Variants in CNGB3 observed in about 807,000 individuals in gnomAD.
CNGB3 encodes cyclic nucleotide gated channel subunit beta 3, also known as cyclic nucleotide-gated channel beta-3.
Under a neutral mutation model 92.8 loss-of-function variants are expected in CNGB3, and 86 were observed. The observed-to-expected ratio is 0.93, with a 90% CI of 0.78 to 1.11. CNGB3 has a LOEUF of 1.11. Ranked by LOEUF, CNGB3 falls within the 50% of genes least tolerant of loss-of-function variation. The pLI, the probability that CNGB3 is intolerant of heterozygous loss-of-function variation, is 0.00. For missense variants in CNGB3, 1,026 were observed against 956.8 expected, an observed-to-expected ratio of 1.07 and a Z score of -0.95; for synonymous variants, 333 against 332.7, an observed-to-expected ratio of 1.00 and a Z score of -0.01.
chr8:86,687,828 G>A (rs924758511), intron 3 of CNGB3, among the ~76,000 whole-genome samples: 3 of 151,940 alleles, frequency 2.0e-5, no homozygotes, highest in African/African-American at 7.3e-5. Context: ...GTACAGTATA[G>A]GACAACCTTG....
intron 13 of CNGB3, among the ~76,000 whole-genome samples, chr8:86,625,745 G>A (rs572480300): frequency 5.8e-4 from 88 of 152,120 alleles, no homozygotes; most frequent in African/African-American, 1.8e-3. Context: ...TGCAAGAAGA[G>A]TCTGAAGAAC....
At chr8:86,720,828 A>G (rs1476003637) in intron 3 of CNGB3, among the ~76,000 whole-genome samples, 1 of 123,038 alleles carries the variant, frequency 8.1e-6, no homozygotes, top group African/African-American at 3.1e-5. Context: ...ATATATATAT[A>G]TATATATGTA....
chr8:86,684,475 C>A (rs1419861460), intron 3 of CNGB3, among the ~76,000 whole-genome samples: 1 of 151,916 alleles, frequency 6.6e-6, no homozygotes, highest in Non-Finnish European at 1.5e-5. Flanking sequence ...ATCATATGAC[C>A]CCTATAATTG....
chr8:86,586,645 G>A (rs1821900514), intron 15 of CNGB3, among the ~76,000 whole-genome samples: 1 of 151,316 alleles, frequency 6.6e-6, no homozygotes, highest in Non-Finnish European at 1.5e-5. Context: ...TTTCATCCAT[G>A]TCCCTACAAA....
chr8:86,645,678 A>G (rs1001390478), intron 8 of CNGB3, among the ~76,000 whole-genome samples: 2 of 151,308 alleles, frequency 1.3e-5, no homozygotes, highest in African/African-American at 4.8e-5. Flanking sequence ...ATTTAACTAG[A>G]AATATACACA....
At chr8:86,666,865 T>G in intron 6 of CNGB3, 60 bp downstream of exon 6, 1 of 1,346,616 alleles carries the variant, frequency 7.4e-7, no homozygotes, top group Non-Finnish European at 1.1e-6. Context: ...CTGTTACTTT[T>G]TGTAGCCCAA....
intron 15 of CNGB3, among the ~76,000 whole-genome samples, chr8:86,592,350 C>T (rs1380104787): frequency 1.3e-5 from 2 of 152,356 alleles, no homozygotes; most frequent in East Asian, 3.9e-4. Context: ...CCTATTCGGC[C>T]ATCTTGGCTC....
intron 12 of CNGB3, among the ~76,000 whole-genome samples, chr8:86,627,856 T>C (rs552269558): frequency 8.5e-4 from 129 of 152,304 alleles, no homozygotes; most frequent in African/African-American, 2.9e-3. Context: ...GGTCCACTTA[T>C]ACAAGAATTT....
In CNGB3 at chr8:86,735,042, G is replaced by GTTT. The variant is rs60107723; in HGVS notation, c.211+4610_211+4612dup. ...CATGTCAAATTCTCAAATGCCGGTGGTTTTTTTTTTTTTTTTTTTTTTTTT... is the reference window on the plus strand; with the variant it reads ...CATGTCAAATTCTCAAATGCCGGTGGTTTTTTTTTTTTTTTTTTTTTTTTTTTT... On this transcript the variant is annotated intron_variant, in intron 2 of 17. Transcript: ENST00000320005. 3.1e-3 allele frequency among the ~76,000 whole-genome samples: 266 copies of GTTT among 85,822 alleles called. 8 individuals carry two copies. Among genetic ancestry groups the GTTT allele is most frequent in the Middle Eastern group, 0.011 (1 of 92 alleles). The allele number at this position is 85,822 out of a possible 152,430, so 56.3% of individuals were successfully genotyped here.
intron 15 of CNGB3, among the ~76,000 whole-genome samples, chr8:86,594,931 C>T (rs1822136939): frequency 6.6e-6 from 1 of 152,020 alleles, no homozygotes; most frequent in East Asian, 1.9e-4. Flanking sequence ...ACCATGTTGG[C>T]CAGGATGGTC....
intron 13 of CNGB3, 132 bp downstream of exon 13, chr8:86,625,851 C>T: frequency 2.7e-6 from 2 of 746,622 alleles, no homozygotes; most frequent in South Asian, 1.6e-5. Flanking sequence ...TCTTTAATTC[C>T]ACATAATTTC....
At chr8:86,674,610 A>G (rs550562388) in intron 3 of CNGB3, among the ~76,000 whole-genome samples, 5 of 152,334 alleles carry the variant, frequency 3.3e-5, no homozygotes, top group African/African-American at 1.2e-4. Context: ...GAAAGAACCA[A>G]TGGTTTTGCC....
At chr8:86,680,992 G>A (rs937002791) in intron 3 of CNGB3, among the ~76,000 whole-genome samples, 5 of 152,094 alleles carry the variant, frequency 3.3e-5, no homozygotes, top group East Asian at 1.9e-4. Flanking sequence ...CGGCTCCTAC[G>A]CTTTGCTCTG....
At chr8:86,608,937 C>A (rs1358093273) in intron 14 of CNGB3, among the ~76,000 whole-genome samples, 4 of 152,180 alleles carry the variant, frequency 2.6e-5, no homozygotes, top group African/African-American at 9.7e-5. Flanking sequence ...CCGGGCCCAG[C>A]TGTCTTTTCT....
At chr8:86,668,621 G>GA (rs1297686657) in intron 4 of CNGB3, among the ~76,000 whole-genome samples, 1 of 132,352 alleles carries the variant, frequency 7.6e-6, no homozygotes, top group Non-Finnish European at 1.7e-5. Flanking sequence ...TTTGTATAAA[G>GA]AAAAAATACG....
intron 3 of CNGB3, among the ~76,000 whole-genome samples, chr8:86,687,066 A>G (rs1824200890): frequency 1.3e-5 from 2 of 152,038 alleles, no homozygotes; most frequent in Non-Finnish European, 2.9e-5. Context: ...GTGTTTTAAA[A>G]CCTACCATCC....
intron 15 of CNGB3, among the ~76,000 whole-genome samples, chr8:86,590,283 C>G (rs1207719939): frequency 1.3e-5 from 2 of 151,960 alleles, no homozygotes; most frequent in African/African-American, 4.8e-5. Flanking sequence ...TGGGTCTTGA[C>G]TCTTTATCCA....
intron 1 of CNGB3, 91 bp from the exon 2 acceptor site, chr8:86,739,827 C>A: frequency 7.2e-7 from 1 of 1,381,912 alleles, no homozygotes; most frequent in South Asian, 1.2e-5. Flanking sequence ...ACTTAATTGT[C>A]AATCAGATCA....
chr8:86,699,532 G>A (rs768497976), intron 3 of CNGB3, among the ~76,000 whole-genome samples: 6 of 152,090 alleles, frequency 3.9e-5, no homozygotes, highest in Non-Finnish European at 8.8e-5. Context: ...TTGCATATAA[G>A]TACCATTTCC....
Sources: gnomAD v4.1 joint callset for allele counts (sites outside exome capture counted in the v4.1 genomes callset) on GRCh38, gnomAD v4.1.1 for gene constraint, MANE v1.5 for transcripts, NCBI Gene and HGNC (gene_info 2026-07-23, HGNC 2026-07-21) for gene names.